TRIM15: variants seen among roughly 807,000 people sequenced by gnomAD.
The protein encoded by TRIM15 is tripartite motif containing 15.
A neutral mutation model predicts 35.8 loss-of-function variants in TRIM15; 35 were observed. That is an observed-to-expected ratio of 0.98 (90% CI 0.75 to 1.30). TRIM15 has a LOEUF of 1.30. Among genes scored for constraint, TRIM15 ranks in the 50% most tolerant of loss-of-function variants. The pLI is 0.00. For synonymous variants in TRIM15, 252 were observed against 249.8 expected (o/e 1.01, Z -0.08); for missense variants, 590 against 593.5 (o/e 0.99, Z 0.06).
intron 1 of TRIM15, 66 bp from the exon 2 acceptor site, chr6:30,167,110 T>A: frequency 7.2e-7 from 1 of 1,397,250 alleles, no homozygotes; most frequent in East Asian, 2.3e-5. Flanking sequence ...CAGGATGTGA[T>A]AGTTAATAAT....
Position 30,172,383 on chromosome 6 carries a change from G to GGCGGCTCTCCGGGATCCA in TRIM15, c.*37_*54dup. On this transcript the variant is annotated 3_prime_UTR_variant, in exon 7 of 7. Transcript: ENST00000376694. ...GCGCGAAGGGCGGCGAAGCGGAGAC[G>GGCGGCTCTCCGGGATCCA]GCGGCTCTCCGGGATCCAGCTCCGC... 1 of 1,563,932 alleles carries GGCGGCTCTCCGGGATCCA rather than the reference G, an allele frequency of 6.4e-7. No individual in the cohort carries two copies. Among genetic ancestry groups the GGCGGCTCTCCGGGATCCA allele is most frequent in the Non-Finnish European group, 8.6e-7 (1 of 1,157,870 alleles).
intron 4 of TRIM15, chr6:30,169,746 GC>G (rs1327867502): frequency 2.8e-6 from 1 of 355,872 alleles, no homozygotes; most frequent in Non-Finnish European, 5.4e-6. Flanking sequence ...GCCACCAGGA[GC>G]CAGTGGCATT....
chr6:30,163,785 C>A lies in TRIM15; in HGVS notation c.101C>A (p.Thr34Asn). 6.2e-7 allele frequency: 1 copy of A among 1,613,042 alleles called. No homozygotes were observed. Among genetic ancestry groups the A allele is most frequent in the Non-Finnish European group, 8.5e-7 (1 of 1,180,030 alleles). Residue 34 changes from threonine (T) to asparagine (N), a missense_variant, in exon 1 of 7, where the codon ACC (threonine) becomes AAC (asparagine). Physicochemically the swap from Thr to Asn is moderately conservative, Grantham distance 65. Transcript: ENST00000376694. Reference sequence around the variant, plus strand: ...GCGGTGACCATTCCCTGTGGACACACCTTCTGCCGGCTCTGCCTCCCCGCG... The same window carrying A: ...GCGGTGACCATTCCCTGTGGACACAACTTCTGCCGGCTCTGCCTCCCCGCG... ...EDAVTIPCGH[T>N]FCRLCLPALS...
chr6:30,166,962 T>A (rs1027610825), intron 1 of TRIM15, among the ~76,000 whole-genome samples: 2 of 152,214 alleles, frequency 1.3e-5, no homozygotes, highest in African/African-American at 4.8e-5. Context: ...CATCTCACTG[T>A]GTGTACCCCT....
chr6:30,170,009 A>G (rs1773896306), intron 4 of TRIM15, among the ~76,000 whole-genome samples: 1 of 152,200 alleles, frequency 6.6e-6, no homozygotes, highest in African/African-American at 2.4e-5. Context: ...CAGGGGGTGA[A>G]GAGTCTTCAA....
intron 3 of TRIM15, among the ~76,000 whole-genome samples, chr6:30,168,963 GC>G (rs1488806313): frequency 2.0e-5 from 3 of 152,134 alleles, no homozygotes; most frequent in Admixed American, 2.0e-4. Context: ...CTGAAGGCAG[GC>G]CCCTGCTCTC....
Position 30,163,561 on chromosome 6 carries a change from T to C in TRIM15, c.-124T>C. 2.3e-6 allele frequency: 3 copies of C among 1,294,856 alleles called. No individual in the cohort carries two copies. Among genetic ancestry groups the C allele is most frequent in the Non-Finnish European group, 3.1e-6 (3 of 960,262 alleles). The allele number at this position is 1,294,856 out of a possible 1,614,324, so 80.2% of individuals were successfully genotyped here. A position where few individuals can be genotyped will look rare whatever the true frequency, so the allele number is the denominator to read the frequency against. On this transcript the variant is annotated 5_prime_UTR_variant, in exon 1 of 7. Coordinates refer to ENST00000376694, the MANE Select transcript of TRIM15 (RefSeq NM_033229.3). ...TCTTGCCTCTCTCTCTCTTTCTCTC[T>C]CTCTGTCTCTTAGCCTTGCAGCCGT...
intron 3 of TRIM15, 32 bp downstream of exon 3, chr6:30,168,562 G>T: frequency 6.5e-7 from 1 of 1,547,856 alleles, no homozygotes; most frequent in Non-Finnish European, 8.8e-7. Flanking sequence ...TGTAGGATAA[G>T]AGAGGGACTC....
intron 3 of TRIM15, 127 bp from the exon 4 acceptor site, chr6:30,169,114 T>C (rs1773830287): frequency 5.2e-6 from 6 of 1,143,644 alleles, no homozygotes; most frequent in African/African-American, 1.5e-5. Context: ...GAGTAGGTAA[T>C]TAAACAGGAC....
Position 30,171,912 on chromosome 6 carries a change from C to A in TRIM15, c.961C>A (p.Gln321Lys), listed in dbSNP as rs1774044028. ...CAGGAAGTCAGTGAGGTACACCCGGCAGAAGAAGAGCCTGCCAGACAGCCC... is the reference window on the plus strand; with the variant it reads ...CAGGAAGTCAGTGAGGTACACCCGGAAGAAGAAGAGCCTGCCAGACAGCCC... ...EDRKSVRYTR[Q>K]KKSLPDSPLR... The change falls in exon 7 of 7, where the codon CAG (glutamine) becomes AAG (lysine). Residue 321 changes from glutamine to lysine, a missense_variant. Gln to Lys is a moderately conservative substitution (Grantham distance 53). Coordinates refer to ENST00000376694, the MANE Select transcript of TRIM15 (RefSeq NM_033229.3). The A allele has an allele frequency of 6.2e-7, 1 of 1,600,534 alleles. No individual in the cohort carries two copies. The highest frequency in any genetic ancestry group is 1.1e-5 in the South Asian group (1 of 89,208).
intron 6 of TRIM15, 110 bp from the exon 7 acceptor site, chr6:30,171,722 T>C (rs1774026091): frequency 7.2e-7 from 1 of 1,379,596 alleles, no homozygotes; most frequent in Non-Finnish European, 9.5e-7. Flanking sequence ...AGTGGCCCAA[T>C]GGCAGGCTGC....
Position 30,163,881 on chromosome 6 carries a change from C to T in TRIM15, c.197C>T (p.Ala66Val). The T allele has an allele frequency of 6.2e-7, 1 of 1,613,074 alleles. No individual in the cohort carries two copies. ...LCPLCQEEEQ[A>V]ETPMAPVPLG... ...CCGCTCTGCCAAGAGGAGGAGCAGG[C>T]AGAGACTCCCATGGCCCCTGTGCCC... Residue 66 changes from alanine to valine, a missense_variant, in exon 1 of 7, where the codon GCA becomes GTA. By Grantham distance (64) the Ala-to-Val change is moderately conservative (BLOSUM62 0). Coordinates refer to ENST00000376694, the MANE Select transcript of TRIM15 (RefSeq NM_033229.3).
chr6:30,164,263 A>G (rs1055016374), intron 1 of TRIM15, among the ~76,000 whole-genome samples, 198 bp downstream of exon 1: 1 of 152,132 alleles, frequency 6.6e-6, no homozygotes, highest in African/African-American at 2.4e-5. Flanking sequence ...TCTGGGGGGA[A>G]CTTCAGCTCC....
rs748823955 is a variant in TRIM15, at chr6:30,172,301, T to C, written c.1350T>C (p.Pro450=). ...CCTCTTTCTCCGGCAAAGTCTTCCC[T>C]TTCTTTGCCGTCTGGAAAAAAGGTT... ...FTASFSGKVF[P]FFAVWKKGSC... The change falls in exon 7 of 7, where the codon CCT becomes CCC. Residue 450 remains proline (P), a synonymous_variant. Coordinates refer to ENST00000376694, the MANE Select transcript of TRIM15 (RefSeq NM_033229.3). 18 of 1,612,638 alleles carry C rather than the reference T, an allele frequency of 1.1e-5. No individual in the cohort carries two copies. In the South Asian group the frequency reaches 1.8e-4, roughly 16 times the overall value.
Position 30,172,375 on chromosome 6 carries a change from G to A in TRIM15, c.*26G>A, listed in dbSNP as rs775653581. 1 of 1,566,946 alleles carries A rather than the reference G, an allele frequency of 6.4e-7. No individual in the cohort carries two copies. Among genetic ancestry groups the A allele is most frequent in the Non-Finnish European group, 8.6e-7 (1 of 1,158,808 alleles). On this transcript the variant is annotated 3_prime_UTR_variant, in exon 7 of 7. Transcript: ENST00000376694. Reference sequence around the variant, plus strand: ...AGTGGGGCGCGCGAAGGGCGGCGAAGCGGAGACGGCGGCTCTCCGGGATCC... The same window carrying A: ...AGTGGGGCGCGCGAAGGGCGGCGAAACGGAGACGGCGGCTCTCCGGGATCC...
At chr6:30,171,333 C>T (rs1012514632) in intron 6 of TRIM15, among the ~76,000 whole-genome samples, 1 of 152,104 alleles carries the variant, frequency 6.6e-6, no homozygotes, top group Non-Finnish European at 1.5e-5. Context: ...AGATATTACT[C>T]GTTGAAAAAT....
intron 2 of TRIM15, 56 bp from the exon 3 acceptor site, chr6:30,168,244 C>T: frequency 2.0e-6 from 3 of 1,471,706 alleles, no homozygotes; most frequent in Non-Finnish European, 1.9e-6. Flanking sequence ...AGATGATCAT[C>T]CTGGAAGCTA....
At chr6:30,171,748 C>T (rs987258831) in intron 6 of TRIM15, 84 bp from the exon 7 acceptor site, 1 of 1,435,504 alleles carries the variant, frequency 7.0e-7, no homozygotes, top group African/African-American at 1.4e-5. Context: ...TCCAGTACTC[C>T]TTCTGCCTCC....
At chr6:30,170,267 GGC>G in intron 4 of TRIM15, 2 of 511,618 alleles carry the variant, frequency 3.9e-6, no homozygotes, top group East Asian at 6.4e-5. Context: ...CTCCTAAAGG[GGC>G]TTACCTCCAA....
Sources: allele counts gnomAD v4.1 joint callset (sites outside exome capture counted in the v4.1 genomes callset), GRCh38; gene constraint gnomAD v4.1.1; transcripts MANE v1.5; gene names NCBI Gene and HGNC (gene_info 2026-07-23, HGNC 2026-07-21).